The following ITGA9 variants were observed in gnomAD, a reference collection of about 807,000 sequenced individuals.
ITGA9 encodes integrin alpha-9.
Under a neutral mutation model 127.8 loss-of-function variants are expected in ITGA9, and 56 were observed. That is an observed-to-expected ratio of 0.44 (90% CI 0.35 to 0.55). The LOEUF (loss-of-function observed/expected upper bound fraction) is 0.55. Among genes scored for constraint, ITGA9 ranks in the 20% least tolerant of loss-of-function variants. The probability of loss-of-function intolerance (pLI) is 0.00; values close to 1 mark genes in which losing one functional copy is unlikely to be tolerated. For synonymous variants in ITGA9, 508 were observed against 514.5 expected, an observed-to-expected ratio of 0.99 and a Z score of 0.17; for missense variants, 1,196 against 1,347.1, an observed-to-expected ratio of 0.89 and a Z score of 1.76.
rs147474086 is a variant in ITGA9, at chr3:37,682,175, T to A, written c.1917-1690T>A. Among the ~76,000 whole-genome samples, 79 of 152,322 alleles carry A rather than the reference T, an allele frequency of 5.2e-4. 3 individuals carry two copies. The East Asian group carries it at 6.4e-3, about 12-fold the overall frequency. Reference sequence around the variant, plus strand: ...TACCATCCAATTTCTCTGTTCTCCTTTAGAGAAAAACTCCTCCAAATAGTT... The same window carrying A: ...TACCATCCAATTTCTCTGTTCTCCTATAGAGAAAAACTCCTCCAAATAGTT... On this transcript the variant is annotated intron_variant, in intron 17 of 27. Coordinates refer to ENST00000264741, the MANE Select transcript of ITGA9 (RefSeq NM_002207.3).
chr3:37,512,879 C>G (rs376589662), intron 8 of ITGA9, among the ~76,000 whole-genome samples: 1 of 151,918 alleles, frequency 6.6e-6, no homozygotes, highest in East Asian at 1.9e-4. Flanking sequence ...TTTTCTTATG[C>G]CTGTTATATC....
At chr3:37,525,766 T>G (rs968416826) in intron 12 of ITGA9, among the ~76,000 whole-genome samples, 3 of 152,236 alleles carry the variant, frequency 2.0e-5, no homozygotes, top group Admixed American at 2.0e-4. Context: ...CTTTGAAATG[T>G]GGTGTGTAGT....
Position 37,691,564 on chromosome 3 carries a change from A to C in ITGA9, c.2067+7549A>C, listed in dbSNP as rs112975564. Among the ~76,000 whole-genome samples, 525 of 152,320 alleles carry C rather than the reference A, an allele frequency of 3.4e-3. 1 individual carries two copies. Among genetic ancestry groups the C allele is most frequent in the Non-Finnish European group, 5.6e-3 (380 of 68,030 alleles). ...CTTATGACTTTGGCAGCTAATTAAA[A>C]TGTTTTCTGAACATCGTATGAGCCA... On this transcript the variant is annotated intron_variant, in intron 18 of 27. Coordinates refer to ENST00000264741, the MANE Select transcript of ITGA9 (RefSeq NM_002207.3).
At chr3:37,675,743 C>CTTTT (rs5848124) in intron 17 of ITGA9, among the ~76,000 whole-genome samples, 7 of 124,532 alleles carry the variant, frequency 5.6e-5, no homozygotes, top group African/African-American at 1.6e-4. Context: ...TTAAAAACTA[C>CTTTT]TTTTTTTTTT....
intron 11 of ITGA9, 61 bp from the exon 12 acceptor site, chr3:37,523,460 C>T: frequency 1.6e-6 from 2 of 1,274,852 alleles, no homozygotes; most frequent in South Asian, 1.2e-5. Context: ...AAAGCAGTCA[C>T]AGTTCTTATT....
chr3:37,473,301 C>A, intron 2 of ITGA9, 53 bp from the exon 3 acceptor site: 1 of 1,427,356 alleles, frequency 7.0e-7, no homozygotes, highest in Non-Finnish European at 9.9e-7. Context: ...TTGAAAGCAG[C>A]CAGCAGAACA....
intron 16 of ITGA9, 149 bp from the exon 17 acceptor site, chr3:37,653,565 C>A: frequency 1.3e-6 from 1 of 748,720 alleles, no homozygotes; most frequent in Non-Finnish European, 2.5e-6. Context: ...CCTTCCCACG[C>A]TGGAGAGCTG....
At chr3:37,632,326 T>G (rs1700236989) in intron 16 of ITGA9, among the ~76,000 whole-genome samples, 1 of 152,176 alleles carries the variant, frequency 6.6e-6, no homozygotes, top group Admixed American at 6.5e-5. Context: ...GCAAGGGAAG[T>G]GTTCTTAAAA....
rs181346301 is a variant in ITGA9, at chr3:37,662,396, A to T, written c.1916+8606A>T. On this transcript the variant is annotated intron_variant, in intron 17 of 27. Coordinates refer to ENST00000264741, the MANE Select transcript of ITGA9 (RefSeq NM_002207.3). ...CCAGCCTGGGTGACCGGGGGCAAAA[A>T]AATAATAATAATAATGCAGCTGGGC... is the stretch of plus-strand genomic sequence containing the variant. Among the ~76,000 whole-genome samples the T allele has an allele frequency of 8.5e-4, 129 of 151,720 alleles. 1 individual carries two copies. The highest frequency in any genetic ancestry group is 2.8e-3 in the African/African-American group (118 of 41,434).
At chr3:37,754,929 A>C (rs577089709) in intron 23 of ITGA9, among the ~76,000 whole-genome samples, 1 of 152,326 alleles carries the variant, frequency 6.6e-6, no homozygotes, top group African/African-American at 2.4e-5. Flanking sequence ...ACAGGAGCTT[A>C]AAATTAGACA....
At chr3:37,566,190 C>G (rs909868558) in intron 15 of ITGA9, among the ~76,000 whole-genome samples, 2 of 152,222 alleles carry the variant, frequency 1.3e-5, no homozygotes, top group African/African-American at 2.4e-5. Context: ...TCTAAGACCC[C>G]TAGTAGATGC....
chr3:37,477,577 G>C (rs949003568), intron 3 of ITGA9, among the ~76,000 whole-genome samples: 1 of 152,182 alleles, frequency 6.6e-6, no homozygotes, highest in Non-Finnish European at 1.5e-5. Flanking sequence ...ATAGCATCAG[G>C]ATTAGAGGCA....
At chr3:37,800,112 G>A (rs1697218024) in intron 26 of ITGA9, among the ~76,000 whole-genome samples, 1 of 152,138 alleles carries the variant, frequency 6.6e-6, no homozygotes, top group Non-Finnish European at 1.5e-5. Context: ...GAAGTGACAG[G>A]GCATTCTTGT....
intron 18 of ITGA9, among the ~76,000 whole-genome samples, chr3:37,729,813 C>G (rs974972391): frequency 1.3e-5 from 2 of 151,008 alleles, no homozygotes; most frequent in African/African-American, 4.9e-5. Flanking sequence ...AAGTGATTCT[C>G]CTGCCGCAGC....
chr3:37,481,445 G>A (rs558429466), intron 3 of ITGA9, 39 bp from the exon 4 acceptor site: 14 of 1,613,882 alleles, frequency 8.7e-6, no homozygotes, highest in Non-Finnish European at 1.2e-5. Flanking sequence ...ATCTTTTGGG[G>A]CCAACTTTCC....
At chr3:37,731,602 C>T (rs2125528060) in intron 18 of ITGA9, among the ~76,000 whole-genome samples, 1 of 152,170 alleles carries the variant, frequency 6.6e-6, no homozygotes, top group Middle Eastern at 3.4e-3. Flanking sequence ...AACAAACAAA[C>T]AAAAATATAC....
intron 23 of ITGA9, among the ~76,000 whole-genome samples, chr3:37,752,329 C>A (rs1696596803): frequency 6.6e-6 from 1 of 152,160 alleles, no homozygotes; most frequent in Non-Finnish European, 1.5e-5. Flanking sequence ...TAGGAGAAAC[C>A]AGCACTCATT....
At chr3:37,785,231 G>A (rs2844397) in intron 26 of ITGA9, among the ~76,000 whole-genome samples, 153 bp downstream of exon 26, 26,017 of 152,116 alleles carry the variant, frequency 0.17, 2,461 homozygotes, top group Middle Eastern at 0.25. Context: ...TTGGCTTCCA[G>A]GCCCCCCCTG....
intron 18 of ITGA9, among the ~76,000 whole-genome samples, chr3:37,695,642 C>T (rs1700877557): frequency 6.6e-6 from 1 of 152,170 alleles, no homozygotes; most frequent in South Asian, 2.1e-4. Context: ...TTCCACTGCC[C>T]CCATGCTCTG....
Sources: gnomAD v4.1 joint callset for allele counts (sites outside exome capture counted in the v4.1 genomes callset) on GRCh38, gnomAD v4.1.1 for gene constraint, MANE v1.5 for transcripts, NCBI Gene and HGNC (gene_info 2026-07-23, HGNC 2026-07-21) for gene names.